BAHCC1: variants seen among roughly 807,000 people sequenced by gnomAD.
BAHCC1 encodes BAH and coiled-coil domain-containing protein 1.
In BAHCC1, 43 loss-of-function variants were observed where a neutral mutation model predicts 88.2. The observed-to-expected ratio is 0.49, with a 90% CI of 0.38 to 0.63. BAHCC1 has a LOEUF of 0.63. BAHCC1 is among the 20% of genes least tolerant of loss of function. The pLI, the probability that BAHCC1 is intolerant of heterozygous loss-of-function variation, is 0.00. For missense variants in BAHCC1, 3,023 were observed against 1,654.8 expected (o/e 1.83, Z -14.34); for synonymous variants, 1,510 against 745.5 (o/e 2.03, Z -16.71).
At chr17:81,446,727 T>G (rs1291198000) in intron 10 of BAHCC1, 2 of 517,608 alleles carry the variant, frequency 3.9e-6, no homozygotes, top group Non-Finnish European at 7.5e-6. Context: ...TGTTCTTTAA[T>G]TTTTTTGTAG....
intron 2 of BAHCC1, among the ~76,000 whole-genome samples, chr17:81,416,162 A>G (rs1465754236): frequency 8.4e-6 from 1 of 118,820 alleles, no homozygotes; most frequent in East Asian, 2.7e-4. Context: ...GGATGGGTGT[A>G]TGTGCGTGTG....
intron 1 of BAHCC1, 122 bp downstream of exon 1, chr17:81,395,757 T>C (rs917639305): frequency 5.3e-5 from 8 of 151,990 alleles, no homozygotes; most frequent in Non-Finnish European, 1.0e-4. Context: ...GATTGTGATG[T>C]TAAGAAGTAT....
At chr17:81,463,122 C>T (rs1421688206) in intron 27 of BAHCC1, 146 bp downstream of exon 27, 9 of 611,210 alleles carry the variant, frequency 1.5e-5, no homozygotes, top group East Asian at 5.5e-5. Flanking sequence ...TGCAGGGAGC[C>T]GCACAGCCCA....
At chr17:81,397,600 C>T (rs923500135) in intron 1 of BAHCC1, among the ~76,000 whole-genome samples, 11 of 152,010 alleles carry the variant, frequency 7.2e-5, no homozygotes, top group African/African-American at 1.4e-4. Flanking sequence ...CGGGAGGCGC[C>T]GGCCGGGGCT....
At position 81,464,141 on chromosome 17, in the gene BAHCC1, G is replaced by A; in HGVS notation, c.*324G>A. The A allele has an allele frequency of 2.3e-6, 1 of 436,514 alleles. No individual in the cohort carries two copies. Among genetic ancestry groups the A allele is most frequent in the Non-Finnish European group, 4.2e-6 (1 of 237,918 alleles). The allele number at this position is 436,514 out of a possible 1,614,324, so 27.0% of individuals were successfully genotyped here. On this transcript the variant is annotated 3_prime_UTR_variant, in exon 28 of 28. Coordinates refer to ENST00000675386, the MANE Select transcript of BAHCC1 (RefSeq NM_001377448.1). ...ATTTGAATCCAAGCCATATTCCCTA[G>A]TACCTCCGACTGTCTCCCACCAGGG...
intron 3 of BAHCC1, among the ~76,000 whole-genome samples, chr17:81,431,408 T>G (rs956241183): frequency 6.6e-6 from 1 of 152,184 alleles, no homozygotes; most frequent in Non-Finnish European, 1.5e-5. Flanking sequence ...GTGCAGGGGT[T>G]TCATCCCGTG....
Position 81,452,066 on chromosome 17 carries a change from G to T in BAHCC1, c.4275G>T (p.Lys1425Asn), listed in dbSNP as rs1282195171. 1.6e-6 allele frequency: 1 copy of T among 629,236 alleles called. No individual in the cohort carries two copies. The allele number at this position is 629,236 out of a possible 1,614,324, so 39.0% of individuals were successfully genotyped here. A position where few individuals can be genotyped will look rare whatever the true frequency, so the allele number is the denominator to read the frequency against. ...AGCTGCAGCGGCGCTACAAGGAGAA[G>T]CAGCGGGAGCTGGCCCGCCTGCAGC... Reference protein sequence around the residue: ...LAELQRRYKEKQRELARLQRK... With the variant: ...LAELQRRYKENQRELARLQRK... The change falls in exon 13 of 28, where the codon AAG becomes AAT. Residue 1425 changes from lysine (K) to asparagine (N), a missense_variant. Physicochemically the swap from Lys to Asn is moderately conservative, Grantham distance 94. Coordinates refer to ENST00000675386, the MANE Select transcript of BAHCC1 (RefSeq NM_001377448.1).
intron 13 of BAHCC1, 81 bp from the exon 14 acceptor site, chr17:81,452,641 GA>G (rs782051572): frequency 3.3e-6 from 2 of 605,022 alleles, no homozygotes; most frequent in Non-Finnish European, 5.9e-6. Flanking sequence ...AGTAGCCCTC[GA>G]AGGCCAATGC....
chr17:81,428,333 C>T (rs1252636966), intron 3 of BAHCC1, among the ~76,000 whole-genome samples: 1 of 152,210 alleles, frequency 6.6e-6, no homozygotes, highest in African/African-American at 2.4e-5. Flanking sequence ...CCCAGGATGT[C>T]TGTGGGAGGG....
rs782631152 is a variant in BAHCC1 at position 81,399,563 on chromosome 17, C to T, written c.-177C>T. ...TGGACCCGCACAGCGGCCGCTGGCT[C>T]GGTGCGCGGCCGCCCGCCGAGAAGC... On this transcript the variant is annotated 5_prime_UTR_variant, in exon 2 of 28. Coordinates refer to ENST00000675386, the MANE Select transcript of BAHCC1 (RefSeq NM_001377448.1). The surrounding 1 kb of genome is among the most constrained non-coding windows in gnomAD (Gnocchi z 4.5). The T allele has an allele frequency of 1.7e-4, 68 of 388,836 alleles. No individual in the cohort carries two copies. The highest frequency in any genetic ancestry group is 2.4e-4 in the African/African-American group (11 of 45,114). The allele number at this position is 388,836 out of a possible 1,614,324, so 24.1% of individuals were successfully genotyped here.
At chr17:81,454,729 C>T (rs923622059) in intron 14 of BAHCC1, among the ~76,000 whole-genome samples, 10 of 152,154 alleles carry the variant, frequency 6.6e-5, no homozygotes, top group African/African-American at 9.7e-5. Context: ...CTGCATAAGC[C>T]CTGCCCCAGA....
chr17:81,424,483 C>T (rs2064150684), intron 2 of BAHCC1, among the ~76,000 whole-genome samples: 1 of 152,230 alleles, frequency 6.6e-6, no homozygotes, highest in Non-Finnish European at 1.5e-5. Flanking sequence ...CCAGCACCCA[C>T]CTGGGTGGTA....
chr17:81,444,123 G>A, intron 6 of BAHCC1: 1 of 603,216 alleles, frequency 1.7e-6, no homozygotes, highest in Non-Finnish European at 3.0e-6. Flanking sequence ...GCAGCGGTCA[G>A]GTTACCCACT....
At chr17:81,441,631 C>T (rs1157854655) in intron 4 of BAHCC1, among the ~76,000 whole-genome samples, 200 bp from the exon 5 acceptor site, 2 of 139,020 alleles carry the variant, frequency 1.4e-5, no homozygotes, top group African/African-American at 5.4e-5. Context: ...CACAGCACTG[C>T]AGCCTGGGCG....
chr17:81,444,515 C>T lies in BAHCC1; in HGVS notation c.2459C>T (p.Pro820Leu), dbSNP rs1232302823. Residue 820 changes from proline to leucine, a missense_variant, in exon 7 of 28, where the codon CCC becomes CTC. Physicochemically the swap from Pro to Leu is moderately conservative, Grantham distance 98. Transcript: ENST00000675386. ...GCCCCCCACACCCACCCCCATCCCC[C>T]CTGGCTGCCCCGCACCCGCAGCCCC... ...DPAPHTHPHP[P>L]WLPRTRSPSL... 2.9e-6 allele frequency: 2 copies of T among 696,586 alleles called. No homozygotes were observed. The highest frequency in any genetic ancestry group is 5.3e-6 in the Non-Finnish European group (2 of 379,908). The allele number at this position is 696,586 out of a possible 1,614,324, so 43.2% of individuals were successfully genotyped here.
At position 81,452,248 on chromosome 17, in the gene BAHCC1, G is replaced by A. The variant is rs570178745; in HGVS notation, c.4316+141G>A. The A allele has an allele frequency of 1.4e-4, 70 of 486,914 alleles. No individual in the cohort carries two copies. In the East Asian group the frequency reaches 2.0e-3, roughly 14 times the overall value. 30.2% of individuals were successfully genotyped at this position (486,914 alleles called of 1,614,324 possible). ...CTGTGGGCAGACACCAGGGTCCATC[G>A]GGGAGGCCCCCCAGAGGCAGTGGGG... On this transcript the variant is annotated intron_variant, in intron 13 of 27. Transcript: ENST00000675386.
Position 81,451,836 on chromosome 17 carries a change from A to G in BAHCC1, c.4145A>G (p.Gln1382Arg). The G allele has an allele frequency of 1.3e-6, 1 of 753,478 alleles. No homozygotes were observed. Among genetic ancestry groups the G allele is most frequent in the South Asian group, 1.4e-5 (1 of 72,120 alleles). The allele number at this position is 753,478 out of a possible 1,614,324, so 46.7% of individuals were successfully genotyped here. The change falls in exon 12 of 28, where the codon CAG becomes CGG. Residue 1382 changes from glutamine to arginine, a missense_variant. Coordinates refer to ENST00000675386, the MANE Select transcript of BAHCC1 (RefSeq NM_001377448.1). The stretch of plus-strand genomic sequence containing the variant: ...CTCACCCCCCGCATGCAGATCCTGC[A>G]GCGCAAGGACACCTGGACCCCCAAG... Reference protein sequence around the residue: ...PRLTPRMQILQRKDTWTPKTK... With the variant: ...PRLTPRMQILRRKDTWTPKTK...
intron 2 of BAHCC1, chr17:81,422,757 C>G (rs571029774): frequency 2.3e-6 from 1 of 440,872 alleles, no homozygotes; most frequent in African/African-American, 2.1e-5. Flanking sequence ...GAAATCCCTT[C>G]TCCAGACCCA....
chr17:81,424,820 G>A (rs1555650066), intron 2 of BAHCC1, among the ~76,000 whole-genome samples: 1 of 151,598 alleles, frequency 6.6e-6, no homozygotes, highest in African/African-American at 2.4e-5. Context: ...GGGTGATATG[G>A]TTGGTGATGA....
Sources: allele counts gnomAD v4.1 joint callset (sites outside exome capture counted in the v4.1 genomes callset), GRCh38; gene constraint gnomAD v4.1.1; non-coding constraint Gnocchi (gnomAD v3.1); transcripts MANE v1.5; gene names NCBI Gene and HGNC (gene_info 2026-07-23, HGNC 2026-07-21).